Variants in FBN3 observed in about 807,000 individuals in gnomAD.
FBN3 encodes fibrillin 3, also known as fibrillin-3.
Under a neutral mutation model 330.1 loss-of-function variants are expected in FBN3, and 234 were observed. The ratio of observed to expected loss-of-function variants is 0.71; its 90% CI spans 0.64 to 0.79. The LOEUF (loss-of-function observed/expected upper bound fraction) is 0.79. FBN3 is among the 30% of genes least tolerant of loss of function. FBN3 has a pLI of 0.00. For missense variants in FBN3, 3,606 were observed against 3,886.9 expected (o/e 0.93, Z 1.92); for synonymous variants, 1,458 against 1,517.3 (o/e 0.96, Z 0.91).
At chr19:8,069,333 C>A (rs765660676) in intron 63 of FBN3, among the ~76,000 whole-genome samples, 3 of 152,198 alleles carry the variant, frequency 2.0e-5, no homozygotes, top group Non-Finnish European at 4.4e-5. Context: ...CAGGCTACCC[C>A]AGGGCTGGGT....
At chr19:8,133,295 G>A (rs893318265) in intron 13 of FBN3, among the ~76,000 whole-genome samples, 189 bp from the exon 14 acceptor site, 5 of 152,202 alleles carry the variant, frequency 3.3e-5, no homozygotes, top group African/African-American at 9.6e-5. Context: ...GTTCCCCGGG[G>A]CACGACCCCT....
In FBN3 at chr19:8,116,805, G is replaced by A; in HGVS notation, c.3587-6C>T. ...CTCTTCACACTCGTCCACGTCTGGG[G>A]GAGCAGGGTTGGGGACTGTGCTTAG... is the stretch of plus-strand genomic sequence containing the variant. On this transcript the variant is annotated splice_region_variant and splice_polypyrimidine_tract_variant and intron_variant, in intron 28 of 63. Coordinates refer to ENST00000600128, the MANE Select transcript of FBN3 (RefSeq NM_032447.5). 1 of 1,613,384 alleles carries A rather than the reference G, an allele frequency of 6.2e-7. No homozygotes were observed. Among genetic ancestry groups the A allele is most frequent in the Non-Finnish European group, 8.5e-7 (1 of 1,179,616 alleles).
At chr19:8,071,012 G>C (rs1282148284) in intron 63 of FBN3, among the ~76,000 whole-genome samples, 2 of 139,336 alleles carry the variant, frequency 1.4e-5, no homozygotes, top group Non-Finnish European at 3.1e-5. Context: ...ACAAGAGTGA[G>C]ACTCTGTCTC....
At position 8,073,005 on chromosome 19, in the gene FBN3, G is replaced by A. The variant is rs552411333; in HGVS notation, c.7937+58C>T. 1.2e-3 allele frequency: 1,252 copies of A among 1,044,988 alleles called. 14 individuals are homozygous for A. Among genetic ancestry groups the A allele is most frequent in the African/African-American group, 9.5e-3 (574 of 60,476 alleles). 64.7% of individuals were successfully genotyped at this position (1,044,988 alleles called of 1,614,324 possible). A position where few individuals can be genotyped will look rare whatever the true frequency, so the allele number is the denominator to read the frequency against. ...TGTGTGTGTGTGTGTGTGTGTGTGC[G>A]TGCGTGCATGGACGCTTGCGGGGCA... On this transcript the variant is annotated intron_variant, in intron 62 of 63. Coordinates refer to ENST00000600128, the MANE Select transcript of FBN3 (RefSeq NM_032447.5).
chr19:8,117,695 AGC>A, intron 26 of FBN3, 106 bp from the exon 27 acceptor site: 1 of 1,320,676 alleles, frequency 7.6e-7, no homozygotes, highest in Non-Finnish European at 1.0e-6. Flanking sequence ...TCACACTGCC[AGC>A]ATTGGCACAG....
intron 26 of FBN3, among the ~76,000 whole-genome samples, 171 bp downstream of exon 26, chr19:8,118,726 T>C (rs1421818985): frequency 6.6e-6 from 1 of 151,936 alleles, no homozygotes; most frequent in Non-Finnish European, 1.5e-5. Context: ...TAAACCCACT[T>C]ACACACACAG....
intron 47 of FBN3, among the ~76,000 whole-genome samples, chr19:8,092,882 T>C (rs1359775868): frequency 6.6e-6 from 1 of 151,906 alleles, no homozygotes; most frequent in Non-Finnish European, 1.5e-5. Context: ...ATAATAATGA[T>C]ATAAAGGACT....
At chr19:8,067,123 C>CTTTTTTTTTTTTTTTT (rs997965759) in intron 63 of FBN3, among the ~76,000 whole-genome samples, 2 of 147,424 alleles carry the variant, frequency 1.4e-5, no homozygotes, top group Non-Finnish European at 1.5e-5. Flanking sequence ...GTTTCTTCTT[C>CTTTTTTTTTTTTTTTT]TTTTTCTTTT....
chr19:8,104,116 C>T (rs1397356978), intron 38 of FBN3, among the ~76,000 whole-genome samples: 1 of 148,042 alleles, frequency 6.8e-6, no homozygotes, highest in Non-Finnish European at 1.5e-5. Flanking sequence ...AGAATGAGAT[C>T]CTGGCTCTAA....
rs1409917986 is a variant in FBN3 at position 8,130,655 on chromosome 19, G to GA, written c.2044+579dup. Among the ~76,000 whole-genome samples the GA allele has an allele frequency of 1.9e-4, 12 of 61,824 alleles. 2 individuals carry two copies. Among genetic ancestry groups the GA allele is most frequent in the African/African-American group, 6.0e-4 (9 of 14,976 alleles). The allele number at this position is 61,824 out of a possible 152,430, so 40.6% of individuals were successfully genotyped here. On this transcript the variant is annotated intron_variant, in intron 16 of 63. Transcript: ENST00000600128. The stretch of plus-strand genomic sequence containing the variant: ...AAGAAAGAAAGAAAGGAAAGGAAAG[G>GA]AAAGGAAAAGAAAAGAAAAGAAAAG...
At chr19:8,146,294 C>T in intron 3 of FBN3, 69 bp from the exon 4 acceptor site, 2 of 1,343,196 alleles carry the variant, frequency 1.5e-6, no homozygotes, top group Non-Finnish European at 2.1e-6. Context: ...CCATTGGTGT[C>T]CGGGCTGGCC....
rs1419810601 is a variant in FBN3, at chr19:8,067,126, T to C, written c.8089-866A>G. Reference sequence around the variant, plus strand: ...CAGGATTTCTTTGTTTCTTCTTCTTTTTCTTTTTTTTTTTTTTTTGAGATG... The same window carrying C: ...CAGGATTTCTTTGTTTCTTCTTCTTCTTCTTTTTTTTTTTTTTTTGAGATG... On this transcript the variant is annotated intron_variant, in intron 63 of 63. Coordinates refer to ENST00000600128, the MANE Select transcript of FBN3 (RefSeq NM_032447.5). Among the ~76,000 whole-genome samples the C allele has an allele frequency of 6.7e-5, 10 of 150,220 alleles. No individual in the cohort carries two copies. In the East Asian group the frequency reaches 7.8e-4, roughly 12 times the overall value.
At chr19:8,113,694 GCGA>G (rs2082640449) in intron 30 of FBN3, among the ~76,000 whole-genome samples, 1 of 151,944 alleles carries the variant, frequency 6.6e-6, no homozygotes, top group South Asian at 2.1e-4. Context: ...GGGCGACACA[GCGA>G]GACCTCATCT....
At chr19:8,140,330 G>C (rs2083383144) in intron 8 of FBN3, among the ~76,000 whole-genome samples, 2 of 152,214 alleles carry the variant, frequency 1.3e-5, no homozygotes, top group Admixed American at 1.3e-4. Flanking sequence ...CGGGCATGGT[G>C]GTGGGTGCCT....
At position 8,095,487 on chromosome 19, in the gene FBN3, A is replaced by G. The variant is rs549739789; in HGVS notation, c.5673T>C (p.Thr1891=). Residue 1891 remains threonine (T), a synonymous_variant, in exon 46 of 64, where the codon ACT becomes ACC. Coordinates refer to ENST00000600128, the MANE Select transcript of FBN3 (RefSeq NM_032447.5). ...ATCGGCACACCTGCCCCACCAGGGT[A>G]GTACACTCATCAAAATCTGTAGAGG... ...NGDCVDFDEC[T]TLVGQVCRFG... 2.6e-5 allele frequency: 42 copies of G among 1,613,496 alleles called. No individual in the cohort carries two copies. In the East Asian group the frequency reaches 7.6e-4, roughly 29 times the overall value.
intron 13 of FBN3, 25 bp downstream of exon 13, chr19:8,135,936 G>GGGGGGGGGGGGGGGCGCCCCCCCCCCCCC: frequency 4.5e-6 from 3 of 668,778 alleles, no homozygotes; most frequent in South Asian, 1.6e-5. Context: ...GGAAGCCCCT[G>GGGGGGGGGGGGGGGCGCCCCCCCCCCCCC]CCCACCCGCC....
rs369743752 is a variant in FBN3, at chr19:8,097,338, G to A, written c.5238C>T (p.Cys1746=). 9.6e-5 allele frequency: 154 copies of A among 1,610,038 alleles called. No homozygotes were observed. The highest frequency in any genetic ancestry group is 1.1e-4 in the Non-Finnish European group (135 of 1,177,476). ...ICINQIGSFR[C]ECPAGFNYNS... ...TGTAGTTGAAGCCTGCGGGGCACTC[G>A]CAGCGGAAACTCCCGATCTGGTTTA... The change falls in exon 42 of 64, where the codon TGC becomes TGT. Residue 1746 remains cysteine (C), a synonymous_variant. Coordinates refer to ENST00000600128, the MANE Select transcript of FBN3 (RefSeq NM_032447.5).
chr19:8,128,968 T>G, intron 18 of FBN3, 60 bp downstream of exon 18: 1 of 1,558,062 alleles, frequency 6.4e-7, no homozygotes, highest in Non-Finnish European at 8.7e-7. Context: ...ACACGCCACA[T>G]GCCAAGTATG....
chr19:8,141,659 G>GC (rs1317348126), intron 8 of FBN3, 58 bp downstream of exon 8: 28 of 1,553,854 alleles, frequency 1.8e-5, no homozygotes, highest in Non-Finnish European at 2.4e-5. Context: ...GGGAGCCTGA[G>GC]CCCCCCAGGT....
Sources: allele counts gnomAD v4.1 joint callset (sites outside exome capture counted in the v4.1 genomes callset), GRCh38; gene constraint gnomAD v4.1.1; transcripts MANE v1.5; gene names NCBI Gene and HGNC (gene_info 2026-07-23, HGNC 2026-07-21).